ZNF717: variants seen among roughly 807,000 people sequenced by gnomAD.
The protein encoded by ZNF717 is zinc finger protein 717.
A neutral mutation model predicts 13.8 loss-of-function variants in ZNF717; 9 were observed. The ratio of observed to expected loss-of-function variants is 0.65; its 90% CI spans 0.39 to 1.14. The LOEUF (loss-of-function observed/expected upper bound fraction) is 1.14, where lower values mean the gene tolerates loss of function less well. Among genes scored for constraint, ZNF717 ranks in the 50% most tolerant of loss-of-function variants. The probability of loss-of-function intolerance (pLI) is 0.01; values close to 1 mark genes in which losing one functional copy is unlikely to be tolerated. For missense variants in ZNF717, 1,040 were observed against 1,080.7 expected (o/e 0.96, Z 0.53); for synonymous variants, 327 against 364.1 (o/e 0.90, Z 1.16).
intron 2 of ZNF717, among the ~76,000 whole-genome samples, chr3:75,777,559 A>G (rs1170069054): frequency 1.3e-5 from 2 of 152,152 alleles, no homozygotes; most frequent in African/African-American, 2.4e-5. Context: ...ACCTGAACCC[A>G]AAACAATGGG....
chr3:75,765,409 T>C (rs191015113), intron 2 of ZNF717, among the ~76,000 whole-genome samples: 2 of 152,320 alleles, frequency 1.3e-5, no homozygotes, highest in African/African-American at 4.8e-5. Flanking sequence ...ATAAATTATT[T>C]ATAAAAAATG....
chr3:75,713,981 G>C (rs1937997829), intron 5 of ZNF717, among the ~76,000 whole-genome samples: 1 of 152,174 alleles, frequency 6.6e-6, no homozygotes, highest in African/African-American at 2.4e-5. Context: ...GAGAGACAGA[G>C]AGGAGACAGC....
At chr3:75,745,956 G>T (rs1436733035) in intron 2 of ZNF717, among the ~76,000 whole-genome samples, 19 of 152,042 alleles carry the variant, frequency 1.2e-4, no homozygotes, top group Non-Finnish European at 1.5e-5. Context: ...CGTGTGCCAT[G>T]TTGGTGTGCT....
At chr3:75,760,173 C>A (rs1396572409) in intron 2 of ZNF717, among the ~76,000 whole-genome samples, 2 of 82,816 alleles carry the variant, frequency 2.4e-5, no homozygotes, top group Admixed American at 2.5e-4. Context: ...GGATTACAGG[C>A]ATCCGCCACC....
chr3:75,746,361 T>C (rs1941172893), intron 2 of ZNF717, among the ~76,000 whole-genome samples: 1 of 152,202 alleles, frequency 6.6e-6, no homozygotes, highest in South Asian at 2.1e-4. Flanking sequence ...TGTGTCTTTA[T>C]AGTAGCATCA....
chr3:75,750,426 G>A (rs1941652566), intron 2 of ZNF717, among the ~76,000 whole-genome samples: 1 of 142,718 alleles, frequency 7.0e-6, no homozygotes, highest in Non-Finnish European at 1.5e-5. Context: ...CAGGATTCCA[G>A]AACACTCCTA....
At chr3:75,731,719 C>T (rs2106914404), downstream of ZNF717, among the ~76,000 whole-genome samples, 1 of 152,284 alleles carries the variant, frequency 6.6e-6, no homozygotes, top group Non-Finnish European at 1.5e-5. Context: ...TTGAGACCAG[C>T]CTGTGCAACA....
At chr3:75,734,976 C>T (rs1240057259), downstream of ZNF717, among the ~76,000 whole-genome samples, 2 of 151,844 alleles carry the variant, frequency 1.3e-5, no homozygotes, top group Admixed American at 6.6e-5. Flanking sequence ...CAGGCGTGTG[C>T]CACCACGTCC....
At chr3:75,769,369 G>A (rs1575941242) in intron 2 of ZNF717, among the ~76,000 whole-genome samples, 1 of 151,834 alleles carries the variant, frequency 6.6e-6, no homozygotes, top group East Asian at 1.9e-4. Flanking sequence ...GTCCTTCTGG[G>A]TGCCTGCTCC....
At chr3:75,715,499 T>G (rs1938030101) in intron 5 of ZNF717, among the ~76,000 whole-genome samples, 1 of 152,248 alleles carries the variant, frequency 6.6e-6, no homozygotes, top group Non-Finnish European at 1.5e-5. Context: ...CATAAATATT[T>G]TTCTAGTTAT....
chr3:75,716,134 C>T (rs1297863816), intron 5 of ZNF717, among the ~76,000 whole-genome samples: 5 of 129,172 alleles, frequency 3.9e-5, no homozygotes, highest in African/African-American at 1.5e-4. Context: ...CCATGCCTGG[C>T]TAATTTTTTT....
downstream of ZNF717, among the ~76,000 whole-genome samples, chr3:75,727,825 C>T (rs1938318717): frequency 6.6e-6 from 1 of 152,184 alleles, no homozygotes; most frequent in Non-Finnish European, 1.5e-5. Flanking sequence ...ACATCCCCTC[C>T]CCTTTCAAAA....
At chr3:75,702,231 C>G (rs1188457744) in intron 6 of ZNF717, among the ~76,000 whole-genome samples, 1 of 152,312 alleles carries the variant, frequency 6.6e-6, no homozygotes, top group East Asian at 1.9e-4. Context: ...TGTCCATCAA[C>G]AGATGACTGG....
chr3:75,714,947 C>T (rs1457651402), intron 5 of ZNF717, among the ~76,000 whole-genome samples: 1 of 152,162 alleles, frequency 6.6e-6, no homozygotes, highest in Non-Finnish European at 1.5e-5. Flanking sequence ...ACCACATATA[C>T]ACACACAAAT....
chr3:75,747,076 A>G (rs1373930665), intron 2 of ZNF717, among the ~76,000 whole-genome samples: 2 of 152,132 alleles, frequency 1.3e-5, no homozygotes, highest in Non-Finnish European at 2.9e-5. Context: ...TCAGCTTTCT[A>G]CATATGGCTA....
chr3:75,718,172 C>T (rs62248762), intron 4 of ZNF717, among the ~76,000 whole-genome samples: 1,121 of 137,504 alleles, frequency 8.2e-3, no homozygotes, highest in Non-Finnish European at 0.011. Context: ...CTGAGGCATG[C>T]ATTCTCCAGT....
downstream of ZNF717, among the ~76,000 whole-genome samples, chr3:75,706,690 G>A (rs1417558805): frequency 6.6e-5 from 10 of 152,274 alleles, no homozygotes; most frequent in South Asian, 2.1e-4. Context: ...AAAAGTGATA[G>A]GGTCTGATAC....
chr3:75,753,084 T>C (rs1575849861), intron 2 of ZNF717, among the ~76,000 whole-genome samples: 1 of 151,964 alleles, frequency 6.6e-6, no homozygotes, highest in Non-Finnish European at 1.5e-5. Flanking sequence ...TCACATAGGA[T>C]TCCAGAACAC....
intron 5 of ZNF717, among the ~76,000 whole-genome samples, chr3:75,714,939 C>T (rs1938016187): frequency 6.6e-6 from 1 of 152,126 alleles, no homozygotes. Flanking sequence ...CACATCTGAC[C>T]ACATATACAC....
Sources: allele counts gnomAD v4.1 joint callset (sites outside exome capture counted in the v4.1 genomes callset), GRCh38; gene constraint gnomAD v4.1.1; transcripts MANE v1.5; gene names NCBI Gene and HGNC (gene_info 2026-07-23, HGNC 2026-07-21).